SPTSSA: variants seen among roughly 807,000 people sequenced by gnomAD.
SPTSSA encodes small subunit of serine palmitoyltransferase A.
In SPTSSA, 8 loss-of-function variants were observed where a neutral mutation model predicts 9.1. That is an observed-to-expected ratio of 0.88 (90% CI 0.51 to 1.58). The LOEUF is 1.58. Among genes scored for constraint, SPTSSA ranks in the 40% most tolerant of loss-of-function variants. The pLI is 0.00. For missense variants in SPTSSA, 100 were observed against 93.8 expected (o/e 1.07, Z -0.27); for synonymous variants, 42 against 37.7 (o/e 1.11, Z -0.41).
chr14:34,436,974 G>C (rs1594616233), intron 1 of SPTSSA, among the ~76,000 whole-genome samples: 1 of 150,286 alleles, frequency 6.7e-6, no homozygotes, highest in African/African-American at 2.4e-5. Flanking sequence ...ATATACATTT[G>C]CTGCTTCTAT....
chr14:34,454,605 C>T (rs946022160), intron 1 of SPTSSA, among the ~76,000 whole-genome samples: 2 of 152,184 alleles, frequency 1.3e-5, no homozygotes, highest in African/African-American at 4.8e-5. Context: ...CAGTAGGGCC[C>T]TGGAGTTAAC....
intron 1 of SPTSSA, among the ~76,000 whole-genome samples, chr14:34,456,856 G>T (rs910876370): frequency 6.7e-6 from 1 of 149,172 alleles, no homozygotes; most frequent in Admixed American, 6.7e-5. Context: ...CCAAGATCGC[G>T]CCACTGCACT....
rs555765111 is a variant in SPTSSA at position 34,433,249 on chromosome 14, T to A, written c.*1952A>T. 6.6e-6 allele frequency: 1 copy of A among 152,166 alleles called. No individual in the cohort carries two copies. The highest frequency in any genetic ancestry group is 1.5e-5 in the Non-Finnish European group (1 of 68,034). 9.4% of individuals were successfully genotyped at this position (152,166 alleles called of 1,614,324 possible). A position where few individuals can be genotyped will look rare whatever the true frequency, so the allele number is the denominator to read the frequency against. ...TTATACAACAGCAATTTAATGAATCTCAGAGTGAAGACAAATTGCCGGTTT... is the reference window on the plus strand; with the variant it reads ...TTATACAACAGCAATTTAATGAATCACAGAGTGAAGACAAATTGCCGGTTT... On this transcript the variant is annotated 3_prime_UTR_variant, in exon 2 of 2. Transcript: ENST00000298130.
chr14:34,454,923 C>G (rs1261990042), intron 1 of SPTSSA, among the ~76,000 whole-genome samples: 1 of 152,006 alleles, frequency 6.6e-6, no homozygotes, highest in Non-Finnish European at 1.5e-5. Context: ...CCCTTCTCTA[C>G]TAAAAATACA....
Position 34,450,132 on chromosome 14 carries a change from G to C in SPTSSA, c.112+11964C>G, listed in dbSNP as rs112039791. 1.7e-4 allele frequency among the ~76,000 whole-genome samples: 26 copies of C among 152,232 alleles called. 1 individual carries two copies. The East Asian group carries it at 4.8e-3, about 28-fold the overall frequency. On this transcript the variant is annotated intron_variant, in intron 1 of 1. Transcript: ENST00000298130. ...TTCAGGGTTGTGAGAATTCAGAATC[G>C]AACCTATTCTGCAAGAGAAGGCAAT...
chr14:34,440,257 C>T (rs1883296529), intron 1 of SPTSSA, among the ~76,000 whole-genome samples: 1 of 152,218 alleles, frequency 6.6e-6, no homozygotes, highest in Admixed American at 6.5e-5. Flanking sequence ...ATATTCCTCA[C>T]ATTATTGTGG....
intron 1 of SPTSSA, among the ~76,000 whole-genome samples, chr14:34,450,983 A>G (rs1054495565): frequency 1.3e-5 from 2 of 152,030 alleles, no homozygotes; most frequent in Non-Finnish European, 2.9e-5. Context: ...TCTCCTAAAC[A>G]TAAGCTAAGT....
intron 1 of SPTSSA, among the ~76,000 whole-genome samples, chr14:34,447,751 T>C (rs10129766): frequency 0.056 from 8,600 of 152,254 alleles, 371 homozygotes; most frequent in African/African-American, 0.12. Context: ...GGGAAACACA[T>C]GGGTTCTAGA....
At chr14:34,435,619 T>TTC (rs1327668920) in intron 1 of SPTSSA, among the ~76,000 whole-genome samples, 3 of 142,376 alleles carry the variant, frequency 2.1e-5, no homozygotes, top group South Asian at 2.2e-4. Flanking sequence ...GTTTGTTTGT[T>TTC]TCTCTTTTTT....
At chr14:34,452,440 A>G (rs1883547131) in intron 1 of SPTSSA, among the ~76,000 whole-genome samples, 1 of 152,162 alleles carries the variant, frequency 6.6e-6, no homozygotes, top group African/African-American at 2.4e-5. Context: ...CACCATCAGA[A>G]ATTAGTGTTT....
In SPTSSA at chr14:34,433,623, C is replaced by G. The variant is rs140406280; in HGVS notation, c.*1578G>C. ...ATATATATTACTTGAGACCTCTAGA[C>G]TATAAAATACTTCAAAAGTCTAGTC... On this transcript the variant is annotated 3_prime_UTR_variant, in exon 2 of 2. Coordinates refer to ENST00000298130, the MANE Select transcript of SPTSSA (RefSeq NM_138288.4). The G allele has an allele frequency of 6.6e-6, 1 of 152,178 alleles. No homozygotes were observed. The highest frequency in any genetic ancestry group is 2.4e-5 in the African/African-American group (1 of 41,512). The allele number at this position is 152,178 out of a possible 1,614,324, so 9.4% of individuals were successfully genotyped here.
rs767388285 is a variant in SPTSSA, at chr14:34,462,144, G to A, written c.64C>T (p.Leu22=). ...QMSWFYYQYL[L]VTALYMLEPW... is the part of the protein sequence containing the mutation. ...TCCAGCATGTAGAGCGCCGTGACCA[G>A]CAGGTACTGGTAGTAGAACCAGGAC... Residue 22 remains leucine (L), a synonymous_variant, in exon 1 of 2, where the codon CTG becomes TTG. Coordinates refer to ENST00000298130, the MANE Select transcript of SPTSSA (RefSeq NM_138288.4). 2.0e-6 allele frequency: 3 copies of A among 1,533,166 alleles called. No individual in the cohort carries two copies. Among genetic ancestry groups the A allele is most frequent in the Non-Finnish European group, 2.6e-6 (3 of 1,136,094 alleles). The allele number at this position is 1,533,166 out of a possible 1,614,324, so 95.0% of individuals were successfully genotyped here. A position where few individuals can be genotyped will look rare whatever the true frequency, so the allele number is the denominator to read the frequency against.
intron 1 of SPTSSA, among the ~76,000 whole-genome samples, chr14:34,453,634 A>G (rs1883564535): frequency 2.0e-5 from 3 of 152,204 alleles, no homozygotes; most frequent in Non-Finnish European, 4.4e-5. Flanking sequence ...TAAATTGCAT[A>G]CATTTTAAGT....
chr14:34,435,212 T>C lies in SPTSSA; in HGVS notation c.205A>G (p.Ile69Val), dbSNP rs1379893291. Residue 69 changes from isoleucine (I) to valine (V), a missense_variant, in exon 2 of 2, where the codon ATC becomes GTC. Transcript: ENST00000298130. ...HIMAILHYFE[I>V]VQ ...TGGTCGCATCTTGGTCATTGTACGATTTCAAAGTAGTGCAATATCGCCATG... is the reference window on the plus strand; with the variant it reads ...TGGTCGCATCTTGGTCATTGTACGACTTCAAAGTAGTGCAATATCGCCATG... The C allele has an allele frequency of 1.2e-6, 2 of 1,613,428 alleles. No individual in the cohort carries two copies. Among genetic ancestry groups the C allele is most frequent in the Non-Finnish European group, 8.5e-7 (1 of 1,179,606 alleles).
intron 1 of SPTSSA, among the ~76,000 whole-genome samples, chr14:34,461,086 TG>T (rs1482761276): frequency 1.3e-5 from 2 of 152,218 alleles, no homozygotes; most frequent in Non-Finnish European, 2.9e-5. Flanking sequence ...AAAGTTATTC[TG>T]AAGTAAGCTA....
rs1221748542 is a variant in SPTSSA at position 34,434,327 on chromosome 14, A to G, written c.*874T>C. Reference sequence around the variant, plus strand: ...ATTTTTAACAACAATTCGTCTCATCATAACTTAATGCAATGTGCAAATGCA... The same window carrying G: ...ATTTTTAACAACAATTCGTCTCATCGTAACTTAATGCAATGTGCAAATGCA... On this transcript the variant is annotated 3_prime_UTR_variant, in exon 2 of 2. Coordinates refer to ENST00000298130, the MANE Select transcript of SPTSSA (RefSeq NM_138288.4). 1 of 152,686 alleles carries G rather than the reference A, an allele frequency of 6.5e-6. No homozygotes were observed. The highest frequency in any genetic ancestry group is 1.5e-5 in the Non-Finnish European group (1 of 68,042). 9.5% of individuals were successfully genotyped at this position (152,686 alleles called of 1,614,324 possible).
At chr14:34,454,053 G>A (rs58663784) in intron 1 of SPTSSA, among the ~76,000 whole-genome samples, 24,705 of 152,002 alleles carry the variant, frequency 0.16, 2,112 homozygotes, top group East Asian at 0.28. Flanking sequence ...GGTGGTGTGT[G>A]CCTGTAGTCC....
At chr14:34,461,731 A>G (rs942651660) in intron 1 of SPTSSA, among the ~76,000 whole-genome samples, 2 of 152,228 alleles carry the variant, frequency 1.3e-5, no homozygotes, top group African/African-American at 2.4e-5. Context: ...CCACTGTTAC[A>G]TGATCCCCGC....
chr14:34,438,398 G>A (rs1381641043), intron 1 of SPTSSA, among the ~76,000 whole-genome samples: 1 of 151,972 alleles, frequency 6.6e-6, no homozygotes, highest in Non-Finnish European at 1.5e-5. Flanking sequence ...TCATGTTGTT[G>A]CTCAAAAGTT....
Sources: gnomAD v4.1 joint callset for allele counts (sites outside exome capture counted in the v4.1 genomes callset) on GRCh38, gnomAD v4.1.1 for gene constraint, MANE v1.5 for transcripts, NCBI Gene and HGNC (gene_info 2026-07-23, HGNC 2026-07-21) for gene names.